YWHAZ: variants seen among roughly 807,000 people sequenced by gnomAD.
YWHAZ encodes the protein tyrosine 3-monooxygenase/tryptophan 5-monooxygenase activation protein zeta.
For synonymous variants in YWHAZ, 87 were observed against 103.6 expected (o/e 0.84, Z 0.97); for missense variants, 79 against 284.8 (o/e 0.28, Z 5.20).
rs1421544952 is a variant in YWHAZ, at chr8:100,927,564, C to T, written c.295-2525G>A. Among the ~76,000 whole-genome samples the T allele has an allele frequency of 2.6e-5, 4 of 152,116 alleles. 1 individual carries two copies. Among genetic ancestry groups the T allele is most frequent in the Non-Finnish European group, 4.4e-5 (3 of 68,014 alleles). ...CTGCCTAATCACGTCTTTCACTTTT[C>T]GGTAACTTTAACCCCCTCTATGTAT... On this transcript the variant is annotated intron_variant, in intron 2 of 5. Transcript: ENST00000395958.
chr8:100,948,955 T>A lies in YWHAZ; in HGVS notation c.-11-55A>T. On this transcript the variant is annotated intron_variant, in intron 1 of 5. Coordinates refer to ENST00000395958, the MANE Select transcript of YWHAZ (RefSeq NM_145690.3). This position sits in a 1 kb window ranked among gnomAD's most constrained non-coding sequence, Gnocchi z 4.2. ...ATTTTTCCCATCAAAATAAACAGAC[T>A]CAAAATTATACCTGTGGTAAATGAG... The A allele has an allele frequency of 6.6e-7, 1 of 1,515,018 alleles. No homozygotes were observed. Among genetic ancestry groups the A allele is most frequent in the Non-Finnish European group, 8.8e-7 (1 of 1,139,340 alleles). 93.8% of individuals were successfully genotyped at this position (1,515,018 alleles called of 1,614,324 possible).
chr8:100,924,835 A>G lies in YWHAZ; in HGVS notation c.418+81T>C. 6.4e-7 allele frequency: 1 copy of G among 1,565,604 alleles called. No homozygotes were observed. Among genetic ancestry groups the G allele is most frequent in the Non-Finnish European group, 8.7e-7 (1 of 1,152,650 alleles). On this transcript the variant is annotated intron_variant, in intron 3 of 5. Coordinates refer to ENST00000395958, the MANE Select transcript of YWHAZ (RefSeq NM_145690.3). The surrounding 1 kb of genome is among the most constrained non-coding windows in gnomAD (Gnocchi z 5.7). ...TCGGCACTCTAAGCAATTCAAAACAAGACATTATGTACGCTTCAGAGACTC... is the reference window on the plus strand; with the variant it reads ...TCGGCACTCTAAGCAATTCAAAACAGGACATTATGTACGCTTCAGAGACTC...
chr8:100,951,563 A>C, intron 1 of YWHAZ: 1 of 985,000 alleles, frequency 1.0e-6, no homozygotes, highest in South Asian at 4.7e-5. Context: ...AAGGGTGGGG[A>C]TGGATCGCGG....
At chr8:100,952,126 C>G (rs955958833), upstream of YWHAZ, 6 of 985,986 alleles carry the variant, frequency 6.1e-6, no homozygotes, top group African/African-American at 1.0e-4. Flanking sequence ...ACGTCAAACG[C>G]TGCTATGGCA....
At position 100,951,321 on chromosome 8, in the gene YWHAZ, C is replaced by G. The variant is rs979042252; in HGVS notation, c.-12+608G>C. ...GCGCTTGGGTCCCCGAGGCCCCCGGCCCCTCCCCGCCGCGCCACCGCCTCC... is the reference window on the plus strand; with the variant it reads ...GCGCTTGGGTCCCCGAGGCCCCCGGGCCCTCCCCGCCGCGCCACCGCCTCC... On this transcript the variant is annotated intron_variant, in intron 1 of 5. Coordinates refer to ENST00000395958, the MANE Select transcript of YWHAZ (RefSeq NM_145690.3). 9.1e-6 allele frequency: 9 copies of G among 984,404 alleles called. No homozygotes were observed. In the East Asian group the frequency reaches 3.4e-4, roughly 38 times the overall value. The allele number at this position is 984,404 out of a possible 1,614,324, so 61.0% of individuals were successfully genotyped here.
chr8:100,931,202 A>G (rs537507418), intron 2 of YWHAZ, among the ~76,000 whole-genome samples: 4 of 152,238 alleles, frequency 2.6e-5, no homozygotes, highest in East Asian at 1.9e-4. Flanking sequence ...AAGATAGTCT[A>G]TATTTACAAT....
At chr8:100,949,488 T>TG (rs1180253524) in intron 1 of YWHAZ, among the ~76,000 whole-genome samples, 3 of 152,066 alleles carry the variant, frequency 2.0e-5, no homozygotes, top group African/African-American at 4.8e-5. Flanking sequence ...CATAACAATT[T>TG]GGGGGGGAAT....
intron 2 of YWHAZ, among the ~76,000 whole-genome samples, chr8:100,940,020 G>A (rs1404592755): frequency 3.6e-5 from 5 of 138,768 alleles, no homozygotes; most frequent in East Asian, 2.2e-4. Flanking sequence ...GAGACTCCGC[G>A]CCACTGCACT....
rs879850528 is a variant in YWHAZ at position 100,922,583 on chromosome 8, AC to A, written c.678+1371del. ...GTATTTTTAGTAGAGATGGGGTTTC[AC>A]CATCTTGGCCAAGCTGTTCCTGAAC... On this transcript the variant is annotated intron_variant, in intron 5 of 5. Transcript: ENST00000395958. The surrounding 1 kb of genome is among the most constrained non-coding windows in gnomAD (Gnocchi z 4.1). 8 of 151,958 alleles carry A rather than the reference AC, an allele frequency of 5.3e-5. No homozygotes were observed. Among genetic ancestry groups the A allele is most frequent in the Non-Finnish European group, 1.0e-4 (7 of 68,026 alleles). 9.4% of individuals were successfully genotyped at this position (151,958 alleles called of 1,614,324 possible).
upstream of YWHAZ, chr8:100,952,601 G>T (rs537836790): frequency 4.2e-3 from 803 of 192,854 alleles, 8 homozygotes; most frequent in African/African-American, 0.017. Context: ...CCCACCCTCC[G>T]TGCTTCGCGG....
rs1554611377 is a variant in YWHAZ at position 100,918,407 on chromosome 8, T to TTAAAATAA, written c.*2285_*2286insTTATTTTA. The TTAAAATAA allele has an allele frequency of 1.5e-5, 1 of 68,606 alleles. No homozygotes were observed. The highest frequency in any genetic ancestry group is 2.7e-5 in the Non-Finnish European group (1 of 36,924). The allele number at this position is 68,606 out of a possible 1,614,324, so 4.2% of individuals were successfully genotyped here. ...CAGTCTAGCTATAAAATATAATTAC[T>TTAAAATAA]TTATATATATATATATATATATATA... On this transcript the variant is annotated 3_prime_UTR_variant, in exon 6 of 6. Coordinates refer to ENST00000395958, the MANE Select transcript of YWHAZ (RefSeq NM_145690.3).
chr8:100,948,954 C>T lies in YWHAZ; in HGVS notation c.-11-54G>A, dbSNP rs1445873568. On this transcript the variant is annotated intron_variant, in intron 1 of 5. Transcript: ENST00000395958. This position sits in a 1 kb window ranked among gnomAD's most constrained non-coding sequence, Gnocchi z 4.2. ...AATTTTTCCCATCAAAATAAACAGA[C>T]TCAAAATTATACCTGTGGTAAATGA... 11 of 1,518,306 alleles carry T rather than the reference C, an allele frequency of 7.2e-6. No homozygotes were observed. Among genetic ancestry groups the T allele is most frequent in the Non-Finnish European group, 9.6e-6 (11 of 1,142,210 alleles). The allele number at this position is 1,518,306 out of a possible 1,614,324, so 94.1% of individuals were successfully genotyped here. A position where few individuals can be genotyped will look rare whatever the true frequency, so the allele number is the denominator to read the frequency against.
Position 100,918,079 on chromosome 8 carries a change from A to AT in YWHAZ, c.*2613dup, listed in dbSNP as rs1439574304. ...ACATCTCTACTGGGCGCGGTGGCTT[A>AT]TGCCTGTAATCCCAGCACTTTGGGA... On this transcript the variant is annotated 3_prime_UTR_variant, in exon 6 of 6. Transcript: ENST00000395958. The AT allele has an allele frequency of 6.6e-6, 1 of 152,016 alleles. No homozygotes were observed. The highest frequency in any genetic ancestry group is 6.6e-5 in the Admixed American group (1 of 15,254). 9.4% of individuals were successfully genotyped at this position (152,016 alleles called of 1,614,324 possible). A position where few individuals can be genotyped will look rare whatever the true frequency, so the allele number is the denominator to read the frequency against.
At chr8:100,942,480 C>T (rs1026907489) in intron 2 of YWHAZ, among the ~76,000 whole-genome samples, 4 of 152,180 alleles carry the variant, frequency 2.6e-5, no homozygotes, top group African/African-American at 7.2e-5. Context: ...CTGATACGAC[C>T]GTTCTTCCCA....
intron 1 of YWHAZ, chr8:100,951,018 G>T: frequency 2.5e-6 from 1 of 394,766 alleles, no homozygotes; most frequent in Non-Finnish European, 3.5e-6. Context: ...TCTCTACCCC[G>T]ACCTGGACTT....
In YWHAZ at chr8:100,924,301, G is replaced by A. The variant is rs1181446028; in HGVS notation, c.419-3C>T. ...TTGTTGTGACTGATCGACAATCCCT[G>A]GATAAGACACACCAAAACGTACTGA... is the stretch of plus-strand genomic sequence containing the variant. On this transcript the variant is annotated splice_polypyrimidine_tract_variant and splice_region_variant and intron_variant, in intron 3 of 5. Coordinates refer to ENST00000395958, the MANE Select transcript of YWHAZ (RefSeq NM_145690.3). This position sits in a 1 kb window ranked among gnomAD's most constrained non-coding sequence, Gnocchi z 5.7. 6.2e-7 allele frequency: 1 copy of A among 1,610,632 alleles called. No individual in the cohort carries two copies. The highest frequency in any genetic ancestry group is 1.7e-5 in the Admixed American group (1 of 59,550).
intron 1 of YWHAZ, 91 bp downstream of exon 1, chr8:100,951,838 G>T: frequency 1.0e-6 from 1 of 986,296 alleles, no homozygotes; most frequent in Non-Finnish European, 1.2e-6. Flanking sequence ...GGGCGAGTGG[G>T]GATGAGGGGA....
intron 2 of YWHAZ, among the ~76,000 whole-genome samples, chr8:100,945,129 T>C (rs1238603754): frequency 6.6e-6 from 1 of 152,214 alleles, no homozygotes; most frequent in Non-Finnish European, 1.5e-5. Flanking sequence ...TTAGTTCACA[T>C]ATTGCAGTTT....
chr8:100,944,282 G>C (rs996805276), intron 2 of YWHAZ, among the ~76,000 whole-genome samples: 1 of 152,062 alleles, frequency 6.6e-6, no homozygotes, highest in Non-Finnish European at 1.5e-5. Flanking sequence ...AGACTAAAAC[G>C]GACCCAAAGC....
Sources: gnomAD v4.1 joint callset for allele counts (sites outside exome capture counted in the v4.1 genomes callset) on GRCh38, gnomAD v4.1.1 for gene constraint, Gnocchi (gnomAD v3.1) non-coding constraint, MANE v1.5 for transcripts, NCBI Gene and HGNC (gene_info 2026-07-23, HGNC 2026-07-21) for gene names.